Variants in APOD observed in about 807,000 individuals in gnomAD.
The protein encoded by APOD is apo-D.
In APOD, 22 loss-of-function variants were observed where a neutral mutation model predicts 20.4. That is an observed-to-expected ratio of 1.08 (90% CI 0.77 to 1.54). APOD has a LOEUF of 1.54. APOD is among the 40% of genes most tolerant of loss of function. The probability of loss-of-function intolerance (pLI) is 0.00; values close to 1 mark genes in which losing one functional copy is unlikely to be tolerated. For missense variants in APOD, 223 were observed against 229.6 expected, an observed-to-expected ratio of 0.97 and a Z score of 0.19; for synonymous variants, 97 against 92.4, an observed-to-expected ratio of 1.05 and a Z score of -0.29.
At chr3:195,581,583 G>C (rs1326001645) in intron 1 of APOD, among the ~76,000 whole-genome samples, 1 of 152,112 alleles carries the variant, frequency 6.6e-6, no homozygotes, top group African/African-American at 2.4e-5. Context: ...GCCTGGAAGG[G>C]GCAGAGAGCT....
At chr3:195,583,700 G>C (rs1720378835) in intron 1 of APOD, among the ~76,000 whole-genome samples, 178 bp downstream of exon 1, 1 of 152,180 alleles carries the variant, frequency 6.6e-6, no homozygotes, top group African/African-American at 2.4e-5. Context: ...AAATGGCTCT[G>C]ATGATACCTA....
intron 2 of APOD, among the ~76,000 whole-genome samples, chr3:195,578,477 G>A (rs908376356): frequency 2.6e-5 from 4 of 152,200 alleles, no homozygotes; most frequent in African/African-American, 9.7e-5. Flanking sequence ...CTCCTAAGGA[G>A]AGGAAGTCTT....
intron 2 of APOD, 52 bp from the exon 3 acceptor site, chr3:195,574,023 A>G (rs1368351384): frequency 6.2e-7 from 1 of 1,602,794 alleles, no homozygotes; most frequent in South Asian, 1.1e-5. Flanking sequence ...GGGACCTGCA[A>G]CTTCTTCCCC....
At chr3:195,573,601 A>G (rs750306762) in intron 3 of APOD, among the ~76,000 whole-genome samples, 2 of 152,234 alleles carry the variant, frequency 1.3e-5, no homozygotes, top group Non-Finnish European at 2.9e-5. Flanking sequence ...CTTTGCTACC[A>G]GAGTATCTAT....
chr3:195,580,545 C>CA (rs1268922295), intron 1 of APOD, among the ~76,000 whole-genome samples: 1 of 152,048 alleles, frequency 6.6e-6, no homozygotes. Flanking sequence ...GCTGGGATTA[C>CA]AGGTGTCCAC....
chr3:195,575,720 C>T (rs71317985), intron 2 of APOD, among the ~76,000 whole-genome samples: 23,182 of 152,022 alleles, frequency 0.15, 2,294 homozygotes, highest in Non-Finnish European at 0.23. Flanking sequence ...CTCTGCCTCC[C>T]GGGTGCAAGT....
intron 2 of APOD, among the ~76,000 whole-genome samples, chr3:195,577,585 C>T (rs761428194): frequency 6.6e-6 from 1 of 152,172 alleles, no homozygotes; most frequent in Non-Finnish European, 1.5e-5. Context: ...GCTTTGATTA[C>T]TACAAAGCTA....
chr3:195,569,559 A>G (rs1720122788), intron 4 of APOD, among the ~76,000 whole-genome samples: 1 of 152,168 alleles, frequency 6.6e-6, no homozygotes, highest in Admixed American at 6.5e-5. Context: ...AGGCTGGCAC[A>G]TTCTGCCTTC....
intron 1 of APOD, among the ~76,000 whole-genome samples, chr3:195,581,341 T>G (rs1473020904): frequency 6.6e-6 from 1 of 152,168 alleles, no homozygotes; most frequent in African/African-American, 2.4e-5. Context: ...TTTAACCTTT[T>G]GGGGGATGAT....
chr3:195,579,427 G>A lies in APOD; in HGVS notation c.35C>T (p.Ala12Val). 6.2e-7 allele frequency: 1 copy of A among 1,614,006 alleles called. No homozygotes were observed. The highest frequency in any genetic ancestry group is 1.3e-5 in the African/African-American group (1 of 75,066). Residue 12 changes from alanine (A) to valine (V), a missense_variant, in exon 2 of 5, where the codon GCT (alanine) becomes GTT (valine). Physicochemically the swap from Ala to Val is moderately conservative, Grantham distance 64 (BLOSUM62 0). Transcript: ENST00000343267. ...TCCCTCTGCCGCACCGAAGAGGCCA[G>A]CCAGTGCGGAAAGCAGCAGCAGCAG... ...VMLLLLLSAL[A>V]GLFGAAEGQA...
intron 4 of APOD, 175 bp downstream of exon 4, chr3:195,571,102 C>T (rs991829578): frequency 3.0e-5 from 20 of 655,792 alleles, no homozygotes; most frequent in East Asian, 5.4e-5. Flanking sequence ...CAGCTCTGTC[C>T]GGCTCATCAT....
intron 3 of APOD, among the ~76,000 whole-genome samples, chr3:195,571,806 G>C (rs1720164787): frequency 1.3e-5 from 2 of 151,000 alleles, no homozygotes; most frequent in Admixed American, 1.3e-4. Context: ...TGGAGATGGA[G>C]TCTTGCTCTG....
At chr3:195,581,014 C>A in intron 1 of APOD, among the ~76,000 whole-genome samples, 1 of 152,188 alleles carries the variant, frequency 6.6e-6, no homozygotes, top group South Asian at 2.1e-4. Context: ...ATGACTGATG[C>A]AATGCAAGCA....
Position 195,573,966 on chromosome 3 carries a change from G to T in APOD, c.129C>A (p.Leu43=), listed in dbSNP as rs367853443. ...TCTTCTCAATTTCGTACCATCTTCCGAGATACTGCAGAGACAACAAGCAGA... is the reference window on the plus strand; with the variant it reads ...TCTTCTCAATTTCGTACCATCTTCCTAGATACTGCAGAGACAACAAGCAGA... ...VQENFDVNKY[L]GRWYEIEKIP... is the part of the protein sequence containing the mutation. Residue 43 remains leucine, a synonymous_variant, in exon 3 of 5, where the codon CTC becomes CTA. Transcript: ENST00000343267. 6.2e-7 allele frequency: 1 copy of T among 1,613,918 alleles called. No homozygotes were observed. Among genetic ancestry groups the T allele is most frequent in the Non-Finnish European group, 8.5e-7 (1 of 1,179,958 alleles).
At chr3:195,579,610 TC>T in intron 1 of APOD, 115 bp from the exon 2 acceptor site, 1 of 1,137,834 alleles carries the variant, frequency 8.8e-7, no homozygotes, top group Non-Finnish European at 1.2e-6. Context: ...TCCTCTTCTC[TC>T]CCCAGCCCAT....
chr3:195,572,813 C>T (rs2108968401), intron 3 of APOD, among the ~76,000 whole-genome samples: 1 of 152,052 alleles, frequency 6.6e-6, no homozygotes, highest in Middle Eastern at 3.4e-3. Context: ...GAGATCAAGA[C>T]CAGCCTGGCC....
At position 195,577,860 on chromosome 3, in the gene APOD, G is replaced by A. The variant is rs562061252; in HGVS notation, c.123+1479C>T. ...TCAAATATGCAGAATAGGCAAATTC[G>A]GAGACAGAAAGTAGATTAGTGGTTG... On this transcript the variant is annotated intron_variant, in intron 2 of 4. Transcript: ENST00000343267. Among the ~76,000 whole-genome samples, 4 of 152,276 alleles carry A rather than the reference G, an allele frequency of 2.6e-5. No individual in the cohort carries two copies. In the East Asian group the frequency reaches 5.8e-4, roughly 22 times the overall value.
At chr3:195,572,645 G>A (rs751394809) in intron 3 of APOD, among the ~76,000 whole-genome samples, 16 of 152,166 alleles carry the variant, frequency 1.1e-4, no homozygotes, top group African/African-American at 1.7e-4. Context: ...ACAGAGGAGA[G>A]GATGTCTGTT....
In APOD at chr3:195,571,501, T is replaced by C. The variant is rs1720159087; in HGVS notation, c.246-136A>G. 3 of 731,782 alleles carry C rather than the reference T, an allele frequency of 4.1e-6. No individual in the cohort carries two copies. The South Asian group carries it at 5.6e-5, about 14-fold the overall frequency. 45.3% of individuals were successfully genotyped at this position (731,782 alleles called of 1,614,324 possible). A position where few individuals can be genotyped will look rare whatever the true frequency, so the allele number is the denominator to read the frequency against. ...TGGCAGCCAACACCGTGATTTCTGGTAAGAGAGGCTCTCAAAGGCAGGCTA... is the reference window on the plus strand; with the variant it reads ...TGGCAGCCAACACCGTGATTTCTGGCAAGAGAGGCTCTCAAAGGCAGGCTA... On this transcript the variant is annotated intron_variant, in intron 3 of 4. Coordinates refer to ENST00000343267, the MANE Select transcript of APOD (RefSeq NM_001647.4).
Sources: gnomAD v4.1 joint callset for allele counts (sites outside exome capture counted in the v4.1 genomes callset) on GRCh38, gnomAD v4.1.1 for gene constraint, MANE v1.5 for transcripts, NCBI Gene and HGNC (gene_info 2026-07-23, HGNC 2026-07-21) for gene names.